The following CCSER1 variants were observed in gnomAD, a reference collection of about 807,000 sequenced individuals.
The protein encoded by CCSER1 is serine-rich coiled-coil domain-containing protein 1.
CCSER1 carries 41 observed loss-of-function variants against 82.0 expected under a neutral mutation model. The ratio of observed to expected loss-of-function variants is 0.50; its 90% CI spans 0.39 to 0.65. CCSER1 has a LOEUF of 0.65. CCSER1 is among the 30% of genes least tolerant of loss of function. The pLI is 0.00. For synonymous variants in CCSER1, 414 were observed against 383.9 expected (o/e 1.08, Z -0.92); for missense variants, 1,119 against 1,064.2 (o/e 1.05, Z -0.72).
At chr4:91,486,636 A>T (rs1758235159) in intron 10 of CCSER1, among the ~76,000 whole-genome samples, 1 of 152,154 alleles carries the variant, frequency 6.6e-6, no homozygotes, top group Non-Finnish European at 1.5e-5. Context: ...CAAATTTAAA[A>T]ATACAGCATA....
intron 6 of CCSER1, among the ~76,000 whole-genome samples, chr4:90,630,150 C>T (rs115745571): frequency 0.013 from 1,952 of 152,198 alleles, 47 homozygotes; most frequent in African/African-American, 0.045. Flanking sequence ...TCTATACTGA[C>T]AACATAAATA....
intron 5 of CCSER1, among the ~76,000 whole-genome samples, chr4:90,567,171 T>C (rs1779500360): frequency 6.6e-6 from 1 of 152,048 alleles, no homozygotes; most frequent in South Asian, 2.1e-4. Flanking sequence ...TTTTCTAGTA[T>C]CCTGATTTTC....
intron 9 of CCSER1, among the ~76,000 whole-genome samples, chr4:90,955,764 G>C (rs1386716211): frequency 6.6e-6 from 1 of 151,974 alleles, no homozygotes; most frequent in African/African-American, 2.4e-5. Flanking sequence ...CCTGTCTTGG[G>C]GTATTTGTAC....
intron 10 of CCSER1, among the ~76,000 whole-genome samples, chr4:91,529,201 A>T (rs1236402374): frequency 6.6e-6 from 1 of 152,160 alleles, no homozygotes; most frequent in African/African-American, 2.4e-5. Flanking sequence ...AATCCTTTCA[A>T]TAGCAGTGAA....
At chr4:91,401,263 G>A (rs1439440843) in intron 10 of CCSER1, among the ~76,000 whole-genome samples, 1 of 147,838 alleles carries the variant, frequency 6.8e-6, no homozygotes, top group Non-Finnish European at 1.5e-5. Context: ...GACATATATA[G>A]TTATATACTA....
intron 10 of CCSER1, among the ~76,000 whole-genome samples, chr4:91,441,180 T>C (rs1755108007): frequency 6.6e-6 from 1 of 152,042 alleles, no homozygotes; most frequent in Non-Finnish European, 1.5e-5. Context: ...AAGAGAGTTT[T>C]AGACCAATAT....
intron 10 of CCSER1, among the ~76,000 whole-genome samples, chr4:91,568,647 T>C (rs1447165371): frequency 2.6e-5 from 4 of 152,176 alleles, no homozygotes; most frequent in Non-Finnish European, 5.9e-5. Flanking sequence ...TGTTAATACT[T>C]GGGATTGCAT....
intron 1 of CCSER1, among the ~76,000 whole-genome samples, chr4:90,299,147 C>G (rs1732595054): frequency 6.6e-6 from 1 of 152,094 alleles, no homozygotes; most frequent in African/African-American, 2.4e-5. Context: ...TTTCCTAAAT[C>G]CTGCTAGAAT....
intron 10 of CCSER1, among the ~76,000 whole-genome samples, chr4:91,489,501 C>T (rs980544360): frequency 1.3e-5 from 2 of 152,132 alleles, no homozygotes; most frequent in African/African-American, 4.8e-5. Context: ...CTTTTCCCTT[C>T]ACTGCAAGAT....
intron 7 of CCSER1, among the ~76,000 whole-genome samples, chr4:90,778,175 T>C (rs17245443): frequency 0.58 from 88,639 of 151,894 alleles, 26,166 homozygotes; most frequent in African/African-American, 0.66. Context: ...TCTTGAACAC[T>C]GTGCTGCTTA....
intron 10 of CCSER1, among the ~76,000 whole-genome samples, chr4:91,490,204 T>C (rs1442535128): frequency 6.6e-6 from 1 of 152,068 alleles, no homozygotes; most frequent in African/African-American, 2.4e-5. Context: ...CAACTAAAAA[T>C]AGAAGTAACA....
At chr4:90,527,696 A>G (rs1773968057) in intron 5 of CCSER1, among the ~76,000 whole-genome samples, 1 of 152,132 alleles carries the variant, frequency 6.6e-6, no homozygotes, top group African/African-American at 2.4e-5. Flanking sequence ...AAAGTATATA[A>G]TTTAAATTGC....
intron 5 of CCSER1, among the ~76,000 whole-genome samples, chr4:90,548,273 C>T (rs1777023013): frequency 6.6e-6 from 1 of 152,146 alleles, no homozygotes; most frequent in African/African-American, 2.4e-5. Context: ...TTGCTCCACT[C>T]CAGGTTCAGG....
chr4:90,879,990 T>C (rs1239320459), intron 8 of CCSER1, among the ~76,000 whole-genome samples: 1 of 152,210 alleles, frequency 6.6e-6, no homozygotes, highest in Non-Finnish European at 1.5e-5. Context: ...GAAAGTATGC[T>C]AGCAAAGTAT....
Position 91,331,760 on chromosome 4 carries a change from C to G in CCSER1, c.2217+245766C>G, listed in dbSNP as rs190784698. Among the ~76,000 whole-genome samples, 62 of 152,226 alleles carry G rather than the reference C, an allele frequency of 4.1e-4. 1 individual carries two copies. In the East Asian group the frequency reaches 7.1e-3, roughly 18 times the overall value. ...CACCCACTAGGCTTGTAAGCTCCAT[C>G]AACACAGGATAACATATCTTTATCA... On this transcript the variant is annotated intron_variant, in intron 10 of 10. Transcript: ENST00000509176.
At chr4:90,716,618 G>A (rs912137342) in intron 6 of CCSER1, among the ~76,000 whole-genome samples, 3 of 151,906 alleles carry the variant, frequency 2.0e-5, no homozygotes, top group African/African-American at 7.3e-5. Context: ...GATATGGTTG[G>A]ATACACAAAT....
At chr4:90,542,596 G>A (rs1469575947) in intron 5 of CCSER1, among the ~76,000 whole-genome samples, 2 of 152,012 alleles carry the variant, frequency 1.3e-5, no homozygotes, top group African/African-American at 4.8e-5. Context: ...AATTGCAAGT[G>A]TATATGCTAG....
Position 91,099,958 on chromosome 4 carries a change from A to T in CCSER1, c.2217+13964A>T, listed in dbSNP as rs1422899296. On this transcript the variant is annotated intron_variant, in intron 10 of 10. Coordinates refer to ENST00000509176, the MANE Select transcript of CCSER1 (RefSeq NM_001145065.2). Reference sequence around the variant, plus strand: ...CTATGTTAGTAGAGATTCTTTACAGATGCTGATTTTCCTCCACAAAAGACA... The same window carrying T: ...CTATGTTAGTAGAGATTCTTTACAGTTGCTGATTTTCCTCCACAAAAGACA... Among the ~76,000 whole-genome samples, 5 of 152,150 alleles carry T rather than the reference A, an allele frequency of 3.3e-5. No homozygotes were observed. The East Asian group carries it at 9.7e-4, about 29-fold the overall frequency.
rs912900143 is a variant in CCSER1 at position 91,085,976 on chromosome 4, A to T, written c.2199A>T (p.Thr733=). 8 of 1,527,500 alleles carry T rather than the reference A, an allele frequency of 5.2e-6. No individual in the cohort carries two copies. In the African/African-American group the frequency reaches 8.3e-5, roughly 16 times the overall value. 94.6% of individuals were successfully genotyped at this position (1,527,500 alleles called of 1,614,324 possible). The change falls in exon 10 of 11, where the codon ACA becomes ACT. Residue 733 remains threonine (T), a synonymous_variant. Coordinates refer to ENST00000509176, the MANE Select transcript of CCSER1 (RefSeq NM_001145065.2). Reference sequence around the variant, plus strand: ...GTTTAAACTTGAAAAGACTAGAGACAGTACAAGGAGGGAGAGAGGTAAGAA... The same window carrying T: ...GTTTAAACTTGAAAAGACTAGAGACTGTACAAGGAGGGAGAGAGGTAAGAA... ...YDGLNLKRLE[T]VQGGREATYR...
Sources: allele counts gnomAD v4.1 joint callset (sites outside exome capture counted in the v4.1 genomes callset), GRCh38; gene constraint gnomAD v4.1.1; transcripts MANE v1.5; gene names NCBI Gene and HGNC (gene_info 2026-07-23, HGNC 2026-07-21).